Variants in FMN2 observed in about 807,000 individuals in gnomAD.
FMN2 encodes formin 2, also known as formin-2.
In FMN2, 51 loss-of-function variants were observed where a neutral mutation model predicts 142.3. The ratio of observed to expected loss-of-function variants is 0.36; its 90% confidence interval spans 0.29 to 0.45. The LOEUF (loss-of-function observed/expected upper bound fraction) is 0.45, where lower values mean the gene tolerates loss of function less well. Ranked by LOEUF, FMN2 falls within the 20% of genes least tolerant of loss-of-function variation. The probability of loss-of-function intolerance (pLI) is 1.00; values close to 1 mark genes in which losing one functional copy is unlikely to be tolerated. For missense variants in FMN2, 1,936 were observed against 2,122.8 expected (o/e 0.91, Z 1.73); for synonymous variants, 882 against 869.8 (o/e 1.01, Z -0.25).
At chr1:240,429,428 C>T (rs1480597318) in intron 15 of FMN2, among the ~76,000 whole-genome samples, 3 of 152,162 alleles carry the variant, frequency 2.0e-5, no homozygotes, top group Non-Finnish European at 4.4e-5. Flanking sequence ...TCCCACTTCT[C>T]TTTCTCTCTC....
chr1:240,237,416 A>C (rs1162622382), intron 6 of FMN2, among the ~76,000 whole-genome samples: 2 of 152,170 alleles, frequency 1.3e-5, no homozygotes, highest in African/African-American at 4.8e-5. Context: ...TTAAGTGTCA[A>C]GGTCTTGTCC....
Position 240,183,445 on chromosome 1 carries a change from TATATA to T in FMN2, c.1931-4751_1931-4747del, listed in dbSNP as rs770311616. 1.8e-3 allele frequency among the ~76,000 whole-genome samples: 262 copies of T among 148,136 alleles called. 2 individuals are homozygous for T. The highest frequency in any genetic ancestry group is 2.6e-3 in the Non-Finnish European group (177 of 67,276). On this transcript the variant is annotated intron_variant, in intron 3 of 17. Transcript: ENST00000319653. ...ATATATTATATGATTAGGTTATGAT[TATATA>T]ATATAATATATATAAATTGAATATA... is the stretch of plus-strand genomic sequence containing the variant.
At chr1:240,397,647 A>C (rs983557677) in intron 15 of FMN2, among the ~76,000 whole-genome samples, 1 of 151,880 alleles carries the variant, frequency 6.6e-6, no homozygotes, top group African/African-American at 2.4e-5. Flanking sequence ...AAAATTAGCC[A>C]GGCGTGGTGG....
At chr1:240,139,961 TGGA>T (rs924446046) in intron 2 of FMN2, among the ~76,000 whole-genome samples, 1 of 152,154 alleles carries the variant, frequency 6.6e-6, no homozygotes, top group Admixed American at 6.5e-5. Context: ...TCTCAAGGTC[TGGA>T]GGCTGAGGGG....
chr1:240,211,994 A>AGTG (rs1212362709), intron 6 of FMN2, among the ~76,000 whole-genome samples: 1 of 152,096 alleles, frequency 6.6e-6, no homozygotes, highest in African/African-American at 2.4e-5. Context: ...TGAAATGGAG[A>AGTG]GTGGCTACAT....
rs1663777730 is a variant in FMN2, at chr1:240,151,602, AT to A, written c.1783-26316del. 3.3e-5 allele frequency among the ~76,000 whole-genome samples: 5 copies of A among 152,128 alleles called. No individual in the cohort carries two copies. In the South Asian group the frequency reaches 1.0e-3, roughly 32 times the overall value. ...AATTGTGAATGCAGTTTCGTACAGT[AT>A]TTCTTTTTGCTTAAGAAAATCTTTA... is the stretch of plus-strand genomic sequence containing the variant. On this transcript the variant is annotated intron_variant, in intron 2 of 17. Coordinates refer to ENST00000319653, the MANE Select transcript of FMN2 (RefSeq NM_020066.5).
intron 2 of FMN2, among the ~76,000 whole-genome samples, chr1:240,159,917 A>G (rs1434187830): frequency 3.1e-5 from 4 of 128,522 alleles, no homozygotes; most frequent in African/African-American, 1.1e-4. Context: ...ATATATATAT[A>G]TATATATATA....
At chr1:240,469,036 G>A (rs1676726410) in intron 16 of FMN2, among the ~76,000 whole-genome samples, 1 of 152,168 alleles carries the variant, frequency 6.6e-6, no homozygotes, top group Admixed American at 6.5e-5. Context: ...GGAAGCTTAG[G>A]AGGAGTGAGA....
chr1:240,356,864 G>A (rs914067076), intron 14 of FMN2, among the ~76,000 whole-genome samples: 8 of 152,104 alleles, frequency 5.3e-5, no homozygotes, highest in African/African-American at 1.9e-4. Context: ...TTTTTAAGAT[G>A]GGAAAATACT....
chr1:240,356,849 C>T lies in FMN2; in HGVS notation c.4858+941C>T, dbSNP rs567237736. ...CTACAATTTGATTAAATGTTAGGCA[C>T]AGCTTTTTTAAGATGGGAAAATACT... On this transcript the variant is annotated intron_variant, in intron 14 of 17. Transcript: ENST00000319653. Among the ~76,000 whole-genome samples the T allele has an allele frequency of 8.5e-5, 13 of 152,306 alleles. No homozygotes were observed. In the East Asian group the frequency reaches 2.1e-3, roughly 25 times the overall value.
intron 7 of FMN2, among the ~76,000 whole-genome samples, chr1:240,287,867 C>T (rs756881856): frequency 6.6e-6 from 1 of 152,186 alleles, no homozygotes; most frequent in Non-Finnish European, 1.5e-5. Flanking sequence ...ACTTGAGACT[C>T]TCTGGGTTAT....
rs144452269 is a variant in FMN2 at position 240,191,243 on chromosome 1, C to G, written c.1986+2981C>G. On this transcript the variant is annotated intron_variant, in intron 4 of 17. Transcript: ENST00000319653. ...TTTATTGAATGAGTTTTGACTTTTACTCTTTCTGTAGTTAATAATTCTGAG... is the reference window on the plus strand; with the variant it reads ...TTTATTGAATGAGTTTTGACTTTTAGTCTTTCTGTAGTTAATAATTCTGAG... Among the ~76,000 whole-genome samples, 858 of 152,298 alleles carry G rather than the reference C, an allele frequency of 5.6e-3. 13 individuals are homozygous for G. Among genetic ancestry groups the G allele is most frequent in the African/African-American group, 0.02 (819 of 41,548 alleles).
At position 240,093,717 on chromosome 1, in the gene FMN2, G is replaced by C; in HGVS notation, c.1608G>C (p.Val536=). Residue 536 remains valine (V), a synonymous_variant, in exon 1 of 18, where the codon GTG becomes GTC. Coordinates refer to ENST00000319653, the MANE Select transcript of FMN2 (RefSeq NM_020066.5). ...APAAADGFQN[V]FTGRTLLEKL... ...CGGCTGCGGATGGCTTCCAGAACGT[G>C]TTCACAGGTGAGCGCGCCCTGCTGC... is the stretch of plus-strand genomic sequence containing the variant. 2 of 1,353,488 alleles carry C rather than the reference G, an allele frequency of 1.5e-6. No individual in the cohort carries two copies. The highest frequency in any genetic ancestry group is 1.9e-6 in the Non-Finnish European group (2 of 1,059,538). The allele number at this position is 1,353,488 out of a possible 1,614,324, so 83.8% of individuals were successfully genotyped here.
chr1:240,231,503 C>T (rs551283578), intron 6 of FMN2, among the ~76,000 whole-genome samples: 4 of 151,968 alleles, frequency 2.6e-5, no homozygotes, highest in Non-Finnish European at 5.9e-5. Context: ...CAAATTATAC[C>T]ATCGGCTAAA....
At chr1:240,343,326 G>A (rs141789806) in intron 13 of FMN2, among the ~76,000 whole-genome samples, 2 of 152,302 alleles carry the variant, frequency 1.3e-5, no homozygotes, top group South Asian at 2.1e-4. Flanking sequence ...TTTAGTGATT[G>A]CATAACTGCA....
At chr1:240,435,170 T>C (rs1675323829) in intron 15 of FMN2, among the ~76,000 whole-genome samples, 1 of 144,416 alleles carries the variant, frequency 6.9e-6, no homozygotes, top group Non-Finnish European at 1.5e-5. Context: ...AGTGAATACA[T>C]ATATTACTAC....
At chr1:240,303,252 C>T (rs207461306) in intron 8 of FMN2, among the ~76,000 whole-genome samples, 1 of 152,172 alleles carries the variant, frequency 6.6e-6, no homozygotes, top group African/African-American at 2.4e-5. Flanking sequence ...GACGTGCTCA[C>T]ATCTGTATTT....
intron 16 of FMN2, among the ~76,000 whole-genome samples, chr1:240,452,499 G>T (rs975096592): frequency 6.6e-6 from 1 of 151,988 alleles, no homozygotes; most frequent in African/African-American, 2.4e-5. Flanking sequence ...AAATAAAAGT[G>T]TATTCCTAGA....
chr1:240,356,543 G>GC (rs1215063689), intron 14 of FMN2, among the ~76,000 whole-genome samples: 1 of 152,140 alleles, frequency 6.6e-6, no homozygotes, highest in Non-Finnish European at 1.5e-5. Context: ...GGAAAAGAAA[G>GC]CATCTATTAA....
Sources: allele counts gnomAD v4.1 joint callset (sites outside exome capture counted in the v4.1 genomes callset), GRCh38; gene constraint gnomAD v4.1.1; transcripts MANE v1.5; gene names NCBI Gene and HGNC (gene_info 2026-07-23, HGNC 2026-07-21).